The following PTPRD variants were observed in gnomAD, a reference collection of about 807,000 sequenced individuals.
PTPRD encodes the protein protein tyrosine phosphatase receptor type D, also known as receptor-type tyrosine-protein phosphatase delta.
A neutral mutation model predicts 214.5 loss-of-function variants in PTPRD; 34 were observed. That is an observed-to-expected ratio of 0.16 (90% CI 0.12 to 0.21). The LOEUF is 0.21. Among genes scored for constraint, PTPRD ranks in the 10% least tolerant of loss-of-function variants. The pLI, the probability that PTPRD is intolerant of heterozygous loss-of-function variation, is 1.00. For synonymous variants in PTPRD, 1,128 were observed against 845.7 expected, an observed-to-expected ratio of 1.33 and a Z score of -5.79; for missense variants, 2,545 against 2,398.7, an observed-to-expected ratio of 1.06 and a Z score of -1.27.
At chr9:9,841,901 G>T (rs182454293) in intron 5 of PTPRD, among the ~76,000 whole-genome samples, 14 of 152,024 alleles carry the variant, frequency 9.2e-5, no homozygotes, top group African/African-American at 3.4e-4. Flanking sequence ...TCTTAGAATT[G>T]TTAGTTCCTT....
chr9:10,208,011 C>G (rs1027747542), intron 3 of PTPRD, among the ~76,000 whole-genome samples: 1 of 152,196 alleles, frequency 6.6e-6, no homozygotes, highest in Non-Finnish European at 1.5e-5. Flanking sequence ...TAGACCTGCA[C>G]ATACACAACA....
chr9:9,551,587 A>C (rs141853008), intron 8 of PTPRD, among the ~76,000 whole-genome samples: 39 of 152,118 alleles, frequency 2.6e-4, no homozygotes, highest in Non-Finnish European at 3.1e-4. Flanking sequence ...CAGGCTGAAG[A>C]TATTACATTA....
At chr9:9,923,076 T>C (rs1457191439) in intron 5 of PTPRD, among the ~76,000 whole-genome samples, 2 of 151,090 alleles carry the variant, frequency 1.3e-5, no homozygotes, top group Admixed American at 1.3e-4. Flanking sequence ...TGAAAGACCA[T>C]GTAACGTAAA....
intron 14 of PTPRD, among the ~76,000 whole-genome samples, chr9:8,621,667 C>A (rs2154301179): frequency 6.6e-6 from 1 of 151,800 alleles, no homozygotes; most frequent in East Asian, 1.9e-4. Context: ...TGAGTGTTAA[C>A]TTTATTAACG....
chr9:8,614,342 T>C (rs1409377160), intron 14 of PTPRD, among the ~76,000 whole-genome samples: 1 of 152,188 alleles, frequency 6.6e-6, no homozygotes, highest in Non-Finnish European at 1.5e-5. Context: ...AACCAGTTTA[T>C]GCATTTGTGG....
At chr9:9,674,219 A>C (rs1438299987) in intron 7 of PTPRD, among the ~76,000 whole-genome samples, 1 of 151,842 alleles carries the variant, frequency 6.6e-6, no homozygotes, top group African/African-American at 2.4e-5. Context: ...GCTGATAGGC[A>C]TTGTTCAGGT....
chr9:9,957,093 ATTGT>A (rs1253514892), intron 4 of PTPRD, among the ~76,000 whole-genome samples: 1 of 152,188 alleles, frequency 6.6e-6, no homozygotes, highest in Non-Finnish European at 1.5e-5. Flanking sequence ...TTAAAAATAA[ATTGT>A]TTGAGAAAAA....
intron 10 of PTPRD, among the ~76,000 whole-genome samples, chr9:9,168,064 T>C (rs1019174012): frequency 6.6e-6 from 1 of 152,186 alleles, no homozygotes; most frequent in Non-Finnish European, 1.5e-5. Flanking sequence ...CTACCGCCCA[T>C]GGGCTAAATC....
intron 11 of PTPRD, among the ~76,000 whole-genome samples, chr9:8,878,585 AGT>A (rs1019826177): frequency 2.0e-5 from 3 of 151,542 alleles, no homozygotes; most frequent in African/African-American, 7.3e-5. Context: ...CGAGTGCAGC[AGT>A]GTGATCAATA....
intron 11 of PTPRD, among the ~76,000 whole-genome samples, chr9:8,770,730 GAA>G (rs1201994297): frequency 1.3e-5 from 2 of 152,166 alleles, no homozygotes; most frequent in East Asian, 3.9e-4. Flanking sequence ...CTAATTATCT[GAA>G]GTCTTTTCCA....
At chr9:8,565,154 G>C (rs2088439861) in intron 14 of PTPRD, among the ~76,000 whole-genome samples, 1 of 149,594 alleles carries the variant, frequency 6.7e-6, no homozygotes, top group African/African-American at 2.4e-5. Flanking sequence ...AACCGCAGTG[G>C]TTTTGAGTAT....
Position 8,557,588 on chromosome 9 carries a change from CA to C in PTPRD, c.353-28810del, listed in dbSNP as rs549228879. ...CGAAACCATGTCTCTATTAAAAATA[CA>C]AAAATTAGCCAGGCATGGTGGTGGG... On this transcript the variant is annotated intron_variant, in intron 14 of 45. Transcript: ENST00000381196. Among the ~76,000 whole-genome samples, 446 of 148,960 alleles carry C rather than the reference CA, an allele frequency of 3.0e-3. 1 individual carries two copies. The highest frequency in any genetic ancestry group is 0.01 in the African/African-American group (420 of 40,238).
At chr9:9,947,153 G>A (rs2092674968) in intron 4 of PTPRD, among the ~76,000 whole-genome samples, 1 of 147,834 alleles carries the variant, frequency 6.8e-6, no homozygotes, top group African/African-American at 2.5e-5. Flanking sequence ...ATATGTACAA[G>A]AGGCATATTC....
At chr9:9,539,679 G>C (rs756771757) in intron 8 of PTPRD, among the ~76,000 whole-genome samples, 1 of 151,836 alleles carries the variant, frequency 6.6e-6, no homozygotes, top group Admixed American at 6.6e-5. Context: ...CTCCCAAAGT[G>C]CTCACTGCCA....
chr9:9,167,243 C>A (rs557543216), intron 10 of PTPRD, among the ~76,000 whole-genome samples: 70 of 151,958 alleles, frequency 4.6e-4, no homozygotes, highest in African/African-American at 1.6e-3. Context: ...CATAGTAATG[C>A]TCTTCCATTT....
At chr9:10,019,294 T>C (rs1224834708) in intron 4 of PTPRD, among the ~76,000 whole-genome samples, 4 of 152,100 alleles carry the variant, frequency 2.6e-5, no homozygotes, top group African/African-American at 9.7e-5. Context: ...CTGGAGAGGA[T>C]GTGGAGAAAT....
At chr9:10,170,789 GTTGC>G (rs2099198318) in intron 3 of PTPRD, among the ~76,000 whole-genome samples, 1 of 152,132 alleles carries the variant, frequency 6.6e-6, no homozygotes, top group African/African-American at 2.4e-5. Context: ...GTATCTTCCA[GTTGC>G]TTTTCTATGT....
intron 12 of PTPRD, among the ~76,000 whole-genome samples, chr9:8,647,361 C>G (rs2096716973): frequency 6.6e-6 from 1 of 152,096 alleles, no homozygotes; most frequent in African/African-American, 2.4e-5. Context: ...TGATGAATAA[C>G]TTTTAAGAAT....
At chr9:9,972,486 C>T (rs2095161452) in intron 4 of PTPRD, among the ~76,000 whole-genome samples, 1 of 151,980 alleles carries the variant, frequency 6.6e-6, no homozygotes, top group East Asian at 1.9e-4. Flanking sequence ...CATTCACTCC[C>T]TTCATATTAT....
Sources: allele counts gnomAD v4.1 joint callset (sites outside exome capture counted in the v4.1 genomes callset), GRCh38; gene constraint gnomAD v4.1.1; transcripts MANE v1.5; gene names NCBI Gene and HGNC (gene_info 2026-07-23, HGNC 2026-07-21).